Variants in C1orf146 observed in about 807,000 individuals in gnomAD.
The protein encoded by C1orf146 is protein SPO16 homolog.
C1orf146 carries 22 observed loss-of-function variants against 23.0 expected under a neutral mutation model. The observed-to-expected ratio is 0.96, with a 90% CI of 0.68 to 1.36. The LOEUF is 1.36. C1orf146 is among the 40% of genes most tolerant of loss of function. The probability of loss-of-function intolerance (pLI) is 0.00; values close to 1 mark genes in which losing one functional copy is unlikely to be tolerated. For missense variants in C1orf146, 199 were observed against 206.8 expected (o/e 0.96, Z 0.23); for synonymous variants, 59 against 65.3 (o/e 0.90, Z 0.47).
At chr1:92,220,519 T>C (rs890960171) in intron 1 of C1orf146, among the ~76,000 whole-genome samples, 1 of 152,222 alleles carries the variant, frequency 6.6e-6, no homozygotes, top group African/African-American at 2.4e-5. Flanking sequence ...ATATGTATAG[T>C]ATGTTAATGT....
chr1:92,239,577 C>A (rs915789431), intron 2 of C1orf146, among the ~76,000 whole-genome samples: 3 of 151,936 alleles, frequency 2.0e-5, no homozygotes, highest in Non-Finnish European at 4.4e-5. Context: ...CATGGTGAAA[C>A]CCTGTCTCTA....
intron 2 of C1orf146, among the ~76,000 whole-genome samples, chr1:92,237,605 C>A (rs1363381459): frequency 6.6e-6 from 1 of 152,192 alleles, no homozygotes; most frequent in Admixed American, 6.5e-5. Context: ...CAGCTGCGTG[C>A]TGGGAGAACC....
chr1:92,242,197 TA>T lies in C1orf146; in HGVS notation c.67-14del. ...GCATGCCTTAAATTTGTATTTCTGA[TA>T]TTTTTTAAAAAAGAGTTATGAAGTT... On this transcript the variant is annotated splice_polypyrimidine_tract_variant and intron_variant, in intron 2 of 5. Transcript: ENST00000370375. The T allele has an allele frequency of 6.7e-7, 1 of 1,481,654 alleles. No individual in the cohort carries two copies. Among genetic ancestry groups the T allele is most frequent in the East Asian group, 2.3e-5 (1 of 43,348 alleles). 91.8% of individuals were successfully genotyped at this position (1,481,654 alleles called of 1,614,324 possible). A position where few individuals can be genotyped will look rare whatever the true frequency, so the allele number is the denominator to read the frequency against.
chr1:92,219,413 C>G (rs12034281), intron 1 of C1orf146, among the ~76,000 whole-genome samples: 1 of 146,416 alleles, frequency 6.8e-6, no homozygotes, highest in Admixed American at 6.9e-5. Context: ...GAAGAACTTT[C>G]TAATTATTAA....
At chr1:92,221,356 G>A (rs1370204315) in intron 1 of C1orf146, among the ~76,000 whole-genome samples, 1 of 152,074 alleles carries the variant, frequency 6.6e-6, no homozygotes, top group Admixed American at 6.6e-5. Context: ...AGGAGGATAA[G>A]GGCTGAAAAA....
chr1:92,237,455 A>G (rs1250372727), intron 2 of C1orf146, among the ~76,000 whole-genome samples: 2 of 152,192 alleles, frequency 1.3e-5, no homozygotes, highest in Non-Finnish European at 2.9e-5. Flanking sequence ...CTGTCTGATC[A>G]TTCCTCTGGA....
intron 2 of C1orf146, among the ~76,000 whole-genome samples, chr1:92,235,307 G>C (rs914578076): frequency 3.3e-5 from 5 of 152,054 alleles, no homozygotes; most frequent in Admixed American, 6.5e-5. Flanking sequence ...CTGGTATGTT[G>C]CGTCTTTGTT....
chr1:92,235,368 C>T (rs1652250083), intron 2 of C1orf146, among the ~76,000 whole-genome samples: 1 of 152,086 alleles, frequency 6.6e-6, no homozygotes. Flanking sequence ...TCATTATGTA[C>T]CCTGTAGTCA....
chr1:92,229,174 T>C, intron 1 of C1orf146: 1 of 533,196 alleles, frequency 1.9e-6, no homozygotes, highest in Non-Finnish European at 3.8e-6. Context: ...TTCATGGTGC[T>C]AGGTGCCAGG....
At chr1:92,224,016 ATTT>A (rs1557484790) in intron 1 of C1orf146, among the ~76,000 whole-genome samples, 4 of 12,350 alleles carry the variant, frequency 3.2e-4, no homozygotes, top group Non-Finnish European at 7.3e-4. Context: ...GTTTTATTTT[ATTT>A]ATTTATTTAT....
intron 1 of C1orf146, among the ~76,000 whole-genome samples, chr1:92,223,427 C>T (rs997458386): frequency 1.3e-5 from 2 of 152,134 alleles, no homozygotes; most frequent in Non-Finnish European, 2.9e-5. Context: ...TTTTTATGTC[C>T]TTATTTGCCA....
chr1:92,238,423 G>A (rs1054200819), intron 2 of C1orf146, among the ~76,000 whole-genome samples: 19 of 152,282 alleles, frequency 1.2e-4, no homozygotes, highest in African/African-American at 4.6e-4. Flanking sequence ...ACCCCAAAAA[G>A]AGATGAGATA....
intron 1 of C1orf146, among the ~76,000 whole-genome samples, chr1:92,224,006 GTTT>G (rs1409350283): frequency 1.3e-4 from 19 of 146,220 alleles, no homozygotes; most frequent in African/African-American, 4.8e-4. Context: ...TGTTGTTGTT[GTTT>G]TATTTTATTT....
At chr1:92,223,775 C>T (rs1651894256) in intron 1 of C1orf146, among the ~76,000 whole-genome samples, 1 of 152,078 alleles carries the variant, frequency 6.6e-6, no homozygotes, top group Admixed American at 6.5e-5. Context: ...CTCAAGTGAT[C>T]CACATGCCTC....
intron 1 of C1orf146, among the ~76,000 whole-genome samples, chr1:92,220,656 T>C (rs1457839998): frequency 2.0e-5 from 3 of 152,222 alleles, no homozygotes; most frequent in Non-Finnish European, 4.4e-5. Flanking sequence ...ACAGTTAATA[T>C]GCAATGCATG....
chr1:92,245,528 ATCT>A lies in C1orf146; in HGVS notation c.409-6_409-4del, dbSNP rs1652590179. 1 of 1,578,338 alleles carries A rather than the reference ATCT, an allele frequency of 6.3e-7. No individual in the cohort carries two copies. The highest frequency in any genetic ancestry group is 1.4e-5 in the African/African-American group (1 of 73,250). On this transcript the variant is annotated splice_polypyrimidine_tract_variant and intron_variant, in intron 5 of 5. Coordinates refer to ENST00000370375, the MANE Select transcript of C1orf146 (RefSeq NM_001012425.2). ...TCTGTAAATAATGCTGCATCTTTAT[ATCT>A]TCTTCCAGACTACCTCCAAACCATA...
intron 2 of C1orf146, among the ~76,000 whole-genome samples, chr1:92,238,463 T>G (rs1268271104): frequency 6.6e-6 from 1 of 152,246 alleles, no homozygotes; most frequent in African/African-American, 2.4e-5. Context: ...CTTATTTCAA[T>G]CCGGAGCATC....
intron 2 of C1orf146, among the ~76,000 whole-genome samples, chr1:92,236,060 C>G (rs912319822): frequency 2.0e-5 from 3 of 151,978 alleles, no homozygotes; most frequent in Non-Finnish European, 4.4e-5. Flanking sequence ...TTGACTCTAT[C>G]CAATTTGCCA....
chr1:92,223,952 T>C (rs1651899330), intron 1 of C1orf146, among the ~76,000 whole-genome samples: 1 of 152,070 alleles, frequency 6.6e-6, no homozygotes, highest in Non-Finnish European at 1.5e-5. Context: ...AGAGTGTCTT[T>C]TTAAACATTT....
Sources: allele counts gnomAD v4.1 joint callset (sites outside exome capture counted in the v4.1 genomes callset), GRCh38; gene constraint gnomAD v4.1.1; transcripts MANE v1.5; gene names NCBI Gene and HGNC (gene_info 2026-07-23, HGNC 2026-07-21).